The following PTPRQ variants were observed in gnomAD, a reference collection of about 807,000 sequenced individuals.
PTPRQ encodes the protein protein tyrosine phosphatase receptor type Q, also known as phosphatidylinositol phosphatase PTPRQ.
In PTPRQ, 199 loss-of-function variants were observed where a neutral mutation model predicts 246.0. The observed-to-expected ratio is 0.81, with a 90% CI of 0.72 to 0.91. PTPRQ has a LOEUF of 0.91. Among genes scored for constraint, PTPRQ ranks in the 40% least tolerant of loss-of-function variants. PTPRQ has a pLI of 0.00. For missense variants in PTPRQ, 2,624 were observed against 2,528.4 expected, an observed-to-expected ratio of 1.04 and a Z score of -0.81; for synonymous variants, 869 against 853.2, an observed-to-expected ratio of 1.02 and a Z score of -0.32.
At chr12:80,590,639 GCC>G in intron 26 of PTPRQ, among the ~76,000 whole-genome samples, 1 of 126,724 alleles carries the variant, frequency 7.9e-6, no homozygotes, top group Admixed American at 9.9e-5. Context: ...CTGCACTCCA[GCC>G]TGGGCACAGA....
intron 3 of PTPRQ, among the ~76,000 whole-genome samples, chr12:80,455,675 C>G (rs1490580525): frequency 1.3e-5 from 2 of 151,748 alleles, no homozygotes; most frequent in Non-Finnish European, 2.9e-5. Context: ...ACTGCAAGCT[C>G]CGCCTCCCAG....
At chr12:80,480,971 C>G (rs1206155830) in intron 8 of PTPRQ, among the ~76,000 whole-genome samples, 1 of 152,118 alleles carries the variant, frequency 6.6e-6, no homozygotes, top group Non-Finnish European at 1.5e-5. Flanking sequence ...ACCATTCCTT[C>G]TGAAACTATT....
intron 9 of PTPRQ, among the ~76,000 whole-genome samples, chr12:80,487,270 T>C (rs1894307362): frequency 6.6e-6 from 1 of 151,984 alleles, no homozygotes; most frequent in Non-Finnish European, 1.5e-5. Context: ...GGCTTCATGA[T>C]GGGAGGGAAG....
intron 9 of PTPRQ, among the ~76,000 whole-genome samples, chr12:80,492,235 T>C (rs948757585): frequency 3.3e-5 from 5 of 151,912 alleles, no homozygotes; most frequent in African/African-American, 1.2e-4. Flanking sequence ...TTTGTTCCTA[T>C]ATGCCTAAGC....
chr12:80,532,923 G>A lies in PTPRQ; in HGVS notation c.2679-1092G>A, dbSNP rs560818735. Among the ~76,000 whole-genome samples the A allele has an allele frequency of 3.9e-5, 6 of 152,250 alleles. No homozygotes were observed. The South Asian group carries it at 1.2e-3, about 32-fold the overall frequency. On this transcript the variant is annotated intron_variant, in intron 17 of 44. Transcript: ENST00000644991. ...ACCATGACTGAAATGTATCTCTGTG[G>A]AAACCCTTACTTCATTTAAAATTTA...
chr12:80,534,113 G>C lies in PTPRQ; in HGVS notation c.2777G>C (p.Ser926Thr). ...NVEYSAYVTA[S>T]TRFGDGKTRS... The stretch of plus-strand genomic sequence containing the variant: ...GAATACAGTGCTTATGTAACAGCTA[G>C]CACCAGATTTGGTGATGGGAAAACA... The change falls in exon 18 of 45, where the codon AGC becomes ACC. Residue 926 changes from serine to threonine, a missense_variant. By Grantham distance (58) the Ser-to-Thr change is moderately conservative (BLOSUM62 1). Transcript: ENST00000644991. 6.5e-7 allele frequency: 1 copy of C among 1,541,718 alleles called. No individual in the cohort carries two copies. The highest frequency in any genetic ancestry group is 2.0e-5 in the Admixed American group (1 of 49,472).
chr12:80,595,558 A>G (rs1261301254), intron 26 of PTPRQ, among the ~76,000 whole-genome samples: 2 of 152,038 alleles, frequency 1.3e-5, no homozygotes, highest in East Asian at 1.9e-4. Flanking sequence ...TCACAAAACC[A>G]GTATATATTT....
At chr12:80,588,599 G>C in intron 26 of PTPRQ, 147 bp downstream of exon 26, 1 of 984,390 alleles carries the variant, frequency 1.0e-6, no homozygotes, top group Non-Finnish European at 1.3e-6. Context: ...GACATATTTA[G>C]TTTTAATTTA....
intron 8 of PTPRQ, among the ~76,000 whole-genome samples, chr12:80,479,139 AC>A (rs1372979548): frequency 6.6e-6 from 1 of 151,902 alleles, no homozygotes; most frequent in Admixed American, 6.6e-5. Context: ...AGGTCGGGTT[AC>A]CCTCAAAGGG....
intron 38 of PTPRQ, among the ~76,000 whole-genome samples, chr12:80,655,931 C>A (rs1900418866): frequency 6.6e-6 from 1 of 152,100 alleles, no homozygotes; most frequent in Admixed American, 6.6e-5. Flanking sequence ...GAATTAGCAG[C>A]AAATACTTGC....
rs954574847 is a variant in PTPRQ at position 80,542,117 on chromosome 12, T to C, written c.3474T>C (p.Thr1158=). 1.3e-6 allele frequency: 2 copies of C among 1,549,500 alleles called. No individual in the cohort carries two copies. Among genetic ancestry groups the C allele is most frequent in the African/African-American group, 2.7e-5 (2 of 72,960 alleles). The change falls in exon 22 of 45, where the codon ACT becomes ACC. Residue 1158 remains threonine, a synonymous_variant. Transcript: ENST00000644991. ...DVPETSPIIN[T]FKNLSSTSVL... ...CAGAAACTTCACCAATAATCAACAC[T>C]TTTAAAAACCTTTCCTCTACCTCAG...
chr12:80,569,445 C>T (rs1015643727), intron 25 of PTPRQ, among the ~76,000 whole-genome samples: 34 of 149,558 alleles, frequency 2.3e-4, no homozygotes, highest in African/African-American at 3.4e-4. Flanking sequence ...TGCTAGATGA[C>T]GAGTTAGTGG....
At chr12:80,445,273 A>G (rs1892517015) in intron 2 of PTPRQ, among the ~76,000 whole-genome samples, 1 of 151,864 alleles carries the variant, frequency 6.6e-6, no homozygotes, top group South Asian at 2.1e-4. Context: ...GGCATGTAGT[A>G]TTTATTTAGT....
Position 80,494,810 on chromosome 12 carries a change from T to C in PTPRQ, c.1541-123T>C, listed in dbSNP as rs1894558004. ...TACACACCTAACTTTAATAGAGGTG[T>C]GCATGGAGAGATTAATGAATACGGA... On this transcript the variant is annotated intron_variant, in intron 10 of 44. Coordinates refer to ENST00000644991, the MANE Select transcript of PTPRQ (RefSeq NM_001145026.2). 3 of 939,326 alleles carry C rather than the reference T, an allele frequency of 3.2e-6. No homozygotes were observed. The East Asian group carries it at 8.1e-5, about 26-fold the overall frequency. 58.2% of individuals were successfully genotyped at this position (939,326 alleles called of 1,614,324 possible).
At chr12:80,494,876 T>C (rs947224740) in intron 10 of PTPRQ, 57 bp from the exon 11 acceptor site, 2 of 1,475,112 alleles carry the variant, frequency 1.4e-6, no homozygotes, top group Non-Finnish European at 1.8e-6. Context: ...AAAAAAATAA[T>C]TTTGATTGTG....
chr12:80,580,329 G>T (rs1437376933), intron 25 of PTPRQ, among the ~76,000 whole-genome samples: 1 of 152,130 alleles, frequency 6.6e-6, no homozygotes, highest in Non-Finnish European at 1.5e-5. Flanking sequence ...CTTCATCACA[G>T]TTCAGTCATG....
intron 25 of PTPRQ, among the ~76,000 whole-genome samples, chr12:80,574,112 T>C (rs954296040): frequency 2.0e-5 from 3 of 152,226 alleles, no homozygotes; most frequent in Middle Eastern, 3.2e-3. Flanking sequence ...GTGATTGTTA[T>C]ATTTTCCTAA....
At chr12:80,547,930 C>T (rs73150719) in intron 24 of PTPRQ, among the ~76,000 whole-genome samples, 7,373 of 152,014 alleles carry the variant, frequency 0.049, 222 homozygotes, top group African/African-American at 0.073. Context: ...ATGAAAAGGA[C>T]CTTGAAAAAA....
At chr12:80,486,053 A>G (rs1357186112) in intron 9 of PTPRQ, among the ~76,000 whole-genome samples, 3 of 152,160 alleles carry the variant, frequency 2.0e-5, no homozygotes, top group African/African-American at 7.2e-5. Context: ...TTCTGCCATT[A>G]CTAACTGTTT....
Sources: allele counts gnomAD v4.1 joint callset (sites outside exome capture counted in the v4.1 genomes callset), GRCh38; gene constraint gnomAD v4.1.1; transcripts MANE v1.5; gene names NCBI Gene and HGNC (gene_info 2026-07-23, HGNC 2026-07-21).